LRP1B: variants seen among roughly 807,000 people sequenced by gnomAD.
LRP1B encodes the protein low-density lipoprotein receptor-related protein 1B.
Under a neutral mutation model 556.6 loss-of-function variants are expected in LRP1B, and 217 were observed. That is an observed-to-expected ratio of 0.39 (90% confidence interval 0.35 to 0.44). The LOEUF (loss-of-function observed/expected upper bound fraction) is 0.44. LRP1B is among the 20% of genes least tolerant of loss of function. LRP1B has a pLI of 1.00. For synonymous variants in LRP1B, 2,047 were observed against 1,865.8 expected, an observed-to-expected ratio of 1.10 and a Z score of -2.50; for missense variants, 5,053 against 5,620.8, an observed-to-expected ratio of 0.90 and a Z score of 3.23.
At chr2:140,662,191 T>C (rs1406705522) in intron 41 of LRP1B, among the ~76,000 whole-genome samples, 2 of 151,922 alleles carry the variant, frequency 1.3e-5, no homozygotes, top group African/African-American at 4.8e-5. Flanking sequence ...GCTATATATA[T>C]ACTATTAAAA....
At chr2:140,968,503 G>GTTTT (rs34542410) in intron 18 of LRP1B, among the ~76,000 whole-genome samples, 3 of 97,666 alleles carry the variant, frequency 3.1e-5, no homozygotes, top group Admixed American at 2.1e-4. Flanking sequence ...ATTTTTTGCA[G>GTTTT]TTTTTTTTTT....
At chr2:140,595,087 A>AATATATCTATATCTATATAT (rs1204829412) in intron 43 of LRP1B, among the ~76,000 whole-genome samples, 1 of 99,676 alleles carries the variant, frequency 1.0e-5, no homozygotes, top group Non-Finnish European at 2.1e-5. Context: ...ATATAAATTG[A>AATATATCTATATCTATATAT]ATATATATAT....
chr2:141,977,702 A>T (rs1238004590), intron 1 of LRP1B, among the ~76,000 whole-genome samples: 1 of 152,194 alleles, frequency 6.6e-6, no homozygotes, highest in East Asian at 1.9e-4. Context: ...CTTGGGTTTA[A>T]TATCCTAATA....
chr2:140,475,298 A>G lies in LRP1B; in HGVS notation c.9465T>C (p.Ile3155=). The G allele has an allele frequency of 6.2e-7, 1 of 1,609,114 alleles. No homozygotes were observed. The highest frequency in any genetic ancestry group is 1.3e-5 in the African/African-American group (1 of 74,888). The change falls in exon 60 of 91, where the codon ATT becomes ATC. Residue 3155 remains isoleucine, a synonymous_variant. Transcript: ENST00000389484. ...TGGTTCCATCCATTCCAACACGGCC[A>G]ATATGAGGATACTCGCAGCAGTCAA... is the stretch of plus-strand genomic sequence containing the variant. The part of the protein sequence containing the change: ...YWIDCCEYPH[I]GRVGMDGTNQ...
At chr2:141,409,572 A>T (rs1231559314) in intron 3 of LRP1B, among the ~76,000 whole-genome samples, 1 of 152,122 alleles carries the variant, frequency 6.6e-6, no homozygotes, top group East Asian at 1.9e-4. Context: ...GAAATATTTT[A>T]ATATGTCTAC....
rs769414684 is a variant in LRP1B at position 140,578,740 on chromosome 2, T to TA, written c.7194+19890dup. ...ATGTACCCTAAAACTTAAAGTATAA[T>TA]AAAAAAAAATAAAATAAATAAAAAA... On this transcript the variant is annotated intron_variant, in intron 43 of 90. Coordinates refer to ENST00000389484, the MANE Select transcript of LRP1B (RefSeq NM_018557.3). Among the ~76,000 whole-genome samples the TA allele has an allele frequency of 8.7e-4, 132 of 151,048 alleles. No homozygotes were observed. The Middle Eastern group carries it at 0.01, about 12-fold the overall frequency.
chr2:141,472,766 C>G (rs968929344), intron 3 of LRP1B, among the ~76,000 whole-genome samples: 14 of 151,354 alleles, frequency 9.2e-5, no homozygotes, highest in African/African-American at 3.4e-4. Flanking sequence ...AACTTAAAGC[C>G]TTCTGTGATC....
chr2:140,522,140 C>A (rs2104956000), intron 49 of LRP1B, among the ~76,000 whole-genome samples: 1 of 152,096 alleles, frequency 6.6e-6, no homozygotes, highest in Non-Finnish European at 1.5e-5. Context: ...ACATTCTTCT[C>A]ATCTGTACAC....
At chr2:141,650,891 GAT>G (rs1689762038) in intron 2 of LRP1B, among the ~76,000 whole-genome samples, 1 of 152,038 alleles carries the variant, frequency 6.6e-6, no homozygotes, top group African/African-American at 2.4e-5. Context: ...ACTATTTCTT[GAT>G]ATGTTTGTTC....
rs200336213 is a variant in LRP1B at position 140,973,052 on chromosome 2, T to TTATATATATATATA, written c.2887+9094_2887+9107dup. Among the ~76,000 whole-genome samples the TTATATATATATATA allele has an allele frequency of 7.5e-3, 1,045 of 138,448 alleles. 6 individuals carry two copies. The highest frequency in any genetic ancestry group is 0.02 in the South Asian group (86 of 4,230). 90.8% of individuals were successfully genotyped at this position (138,448 alleles called of 152,430 possible). A position where few individuals can be genotyped will look rare whatever the true frequency, so the allele number is the denominator to read the frequency against. ...ATGCTTTCATTAAATATATTTCATT[T>TTATATATATATATA]TATATATATATATATATATATATAT... On this transcript the variant is annotated intron_variant, in intron 18 of 90. Transcript: ENST00000389484.
intron 2 of LRP1B, among the ~76,000 whole-genome samples, chr2:141,523,959 G>T (rs752311954): frequency 3.9e-5 from 6 of 152,112 alleles, no homozygotes; most frequent in Non-Finnish European, 7.4e-5. Flanking sequence ...TTCAGCTAAA[G>T]TCGCAATAAG....
At chr2:142,124,488 T>C (rs1050211229) in intron 1 of LRP1B, among the ~76,000 whole-genome samples, 1 of 151,890 alleles carries the variant, frequency 6.6e-6, no homozygotes, top group Admixed American at 6.6e-5. Context: ...ATATATTCTT[T>C]ATTGAGAGAA....
At chr2:141,139,781 ATGTGTGTGTGTG>A (rs58413685) in intron 7 of LRP1B, among the ~76,000 whole-genome samples, 10,490 of 148,084 alleles carry the variant, frequency 0.071, 538 homozygotes, top group African/African-American at 0.15. Context: ...CATTGGAAAA[ATGTGTGTGTGTG>A]TGTGTGTGTG....
At chr2:140,727,946 C>G (rs1687651024) in intron 35 of LRP1B, among the ~76,000 whole-genome samples, 1 of 152,108 alleles carries the variant, frequency 6.6e-6, no homozygotes, top group Non-Finnish European at 1.5e-5. Flanking sequence ...CTTACAGTAA[C>G]AAACCACTGA....
chr2:140,458,260 T>C (rs1020965044), intron 60 of LRP1B, among the ~76,000 whole-genome samples: 1 of 152,080 alleles, frequency 6.6e-6, no homozygotes, highest in Admixed American at 6.6e-5. Context: ...TGGCAGATAA[T>C]AATGTATTAT....
rs551499270 is a variant in LRP1B at position 140,280,832 on chromosome 2, T to C, written c.12968-6234A>G. Among the ~76,000 whole-genome samples the C allele has an allele frequency of 3.6e-4, 54 of 151,962 alleles. 1 individual carries two copies. The highest frequency in any genetic ancestry group is 1.3e-3 in the African/African-American group (52 of 41,548). ...GGTAAGAAGGAATAATAATGAAATG[T>C]AACTAATCTGTTCTAAGAAAGTAGA... On this transcript the variant is annotated intron_variant, in intron 84 of 90. Transcript: ENST00000389484.
intron 66 of LRP1B, among the ~76,000 whole-genome samples, chr2:140,395,023 C>G (rs1684190088): frequency 6.6e-6 from 1 of 152,202 alleles, no homozygotes; most frequent in Non-Finnish European, 1.5e-5. Flanking sequence ...ACTCTATCCA[C>G]TCCTTGTAAT....
At chr2:141,426,961 G>A (rs893647371) in intron 3 of LRP1B, among the ~76,000 whole-genome samples, 8 of 152,116 alleles carry the variant, frequency 5.3e-5, no homozygotes, top group African/African-American at 1.9e-4. Flanking sequence ...GTGCCATGGT[G>A]GTTTGCTGCA....
intron 35 of LRP1B, among the ~76,000 whole-genome samples, chr2:140,766,191 T>C (rs1047817239): frequency 1.6e-5 from 2 of 121,310 alleles, no homozygotes; most frequent in Non-Finnish European, 3.7e-5. Context: ...AGGTGAAATA[T>C]GAAGGTCATG....
Sources: gnomAD v4.1 joint callset for allele counts (sites outside exome capture counted in the v4.1 genomes callset) on GRCh38, gnomAD v4.1.1 for gene constraint, MANE v1.5 for transcripts, NCBI Gene and HGNC (gene_info 2026-07-23, HGNC 2026-07-21) for gene names.